MAGI2: variants seen among roughly 807,000 people sequenced by gnomAD.
MAGI2 encodes the protein membrane associated guanylate kinase, WW and PDZ domain containing 2, also known as membrane-associated guanylate kinase, WW and PDZ domain-containing protein 2.
Under a neutral mutation model 133.3 loss-of-function variants are expected in MAGI2, and 35 were observed. That is an observed-to-expected ratio of 0.26 (90% confidence interval 0.20 to 0.35). The LOEUF is 0.35. MAGI2 is among the 10% of genes least tolerant of loss of function. The pLI, the probability that MAGI2 is intolerant of heterozygous loss-of-function variation, is 1.00. For missense variants in MAGI2, 1,636 were observed against 1,863.4 expected (o/e 0.88, Z 2.25); for synonymous variants, 729 against 710.6 (o/e 1.03, Z -0.41).
At chr7:78,499,711 G>C (rs1215044946) in intron 5 of MAGI2, among the ~76,000 whole-genome samples, 2 of 152,154 alleles carry the variant, frequency 1.3e-5, no homozygotes, top group African/African-American at 4.8e-5. Flanking sequence ...TAATCAACTT[G>C]TCATGCTGCT....
intron 7 of MAGI2, among the ~76,000 whole-genome samples, chr7:78,359,708 C>T (rs1792577570): frequency 6.6e-6 from 1 of 151,930 alleles, no homozygotes; most frequent in Non-Finnish European, 1.5e-5. Context: ...TCCAACCAAA[C>T]AAAAAGTAGA....
chr7:79,294,063 A>C (rs1359988160), intron 1 of MAGI2, among the ~76,000 whole-genome samples: 13 of 151,746 alleles, frequency 8.6e-5, no homozygotes, highest in African/African-American at 3.1e-4. Flanking sequence ...TGAGTCTGTA[A>C]TCCCCTCAGG....
chr7:78,562,691 T>C (rs1247331433), intron 3 of MAGI2, among the ~76,000 whole-genome samples: 2 of 152,178 alleles, frequency 1.3e-5, no homozygotes, highest in East Asian at 3.9e-4. Context: ...AATCTGATAA[T>C]TGTAAATACG....
At chr7:78,313,837 A>T (rs2151101813) in intron 9 of MAGI2, among the ~76,000 whole-genome samples, 1 of 152,272 alleles carries the variant, frequency 6.6e-6, no homozygotes, top group Middle Eastern at 3.4e-3. Flanking sequence ...ATGACTTTTT[A>T]AAATGACTTA....
At chr7:78,198,076 C>T (rs1011358606) in intron 11 of MAGI2, among the ~76,000 whole-genome samples, 2 of 152,172 alleles carry the variant, frequency 1.3e-5, no homozygotes, top group South Asian at 2.1e-4. Flanking sequence ...TTACTGAGGT[C>T]GATGGGCCTC....
At chr7:78,255,860 G>C (rs754774009) in intron 10 of MAGI2, 83 bp downstream of exon 10, 3 of 1,362,910 alleles carry the variant, frequency 2.2e-6, no homozygotes, top group South Asian at 2.5e-5. Flanking sequence ...TCAACTCCAA[G>C]GAAATCTGCA....
At chr7:78,202,821 T>C (rs1353626384) in intron 10 of MAGI2, among the ~76,000 whole-genome samples, 2 of 152,176 alleles carry the variant, frequency 1.3e-5, no homozygotes, top group African/African-American at 4.8e-5. Flanking sequence ...GCTCTCTTTC[T>C]GTCTTACATA....
intron 4 of MAGI2, chr7:78,518,162 A>C (rs1796197788): frequency 6.6e-6 from 1 of 152,202 alleles, no homozygotes. Context: ...TTTTATACAC[A>C]GAGAAGGATG....
At chr7:79,235,390 A>T (rs971969748) in intron 1 of MAGI2, among the ~76,000 whole-genome samples, 2 of 151,128 alleles carry the variant, frequency 1.3e-5, no homozygotes, top group Non-Finnish European at 3.0e-5. Context: ...CCCCTCCCCC[A>T]GCCTCGCTGC....
At chr7:78,599,321 T>C (rs1049026573) in intron 3 of MAGI2, among the ~76,000 whole-genome samples, 1 of 152,196 alleles carries the variant, frequency 6.6e-6, no homozygotes, top group African/African-American at 2.4e-5. Flanking sequence ...TTTAAGAAGA[T>C]AGATCTCAAG....
At chr7:79,209,133 C>T (rs890475058) in intron 1 of MAGI2, among the ~76,000 whole-genome samples, 21 of 151,666 alleles carry the variant, frequency 1.4e-4, no homozygotes, top group Non-Finnish European at 2.2e-4. Context: ...TTCAATAATA[C>T]GTTGTATTCT....
intron 6 of MAGI2, among the ~76,000 whole-genome samples, chr7:78,466,327 C>T (rs1790628025): frequency 1.3e-5 from 2 of 152,158 alleles, no homozygotes; most frequent in Non-Finnish European, 1.5e-5. Flanking sequence ...ATTCTGTGTC[C>T]CATTCCACTT....
chr7:78,922,273 T>C (rs573739865), intron 2 of MAGI2, among the ~76,000 whole-genome samples: 1 of 151,906 alleles, frequency 6.6e-6, no homozygotes, highest in Non-Finnish European at 1.5e-5. Flanking sequence ...ACATGTGCCA[T>C]GCTGGTGTGC....
intron 6 of MAGI2, among the ~76,000 whole-genome samples, chr7:78,436,191 T>C (rs1373763229): frequency 1.3e-5 from 2 of 151,932 alleles, no homozygotes; most frequent in African/African-American, 4.8e-5. Context: ...CCACTTAGGG[T>C]TGGAGAGGAA....
chr7:78,298,048 T>G (rs747754041), intron 9 of MAGI2, among the ~76,000 whole-genome samples: 1 of 152,014 alleles, frequency 6.6e-6, no homozygotes, highest in African/African-American at 2.4e-5. Flanking sequence ...GTCATGTTGA[T>G]AGCATATACT....
intron 2 of MAGI2, among the ~76,000 whole-genome samples, chr7:78,919,976 T>G (rs1409640871): frequency 6.6e-6 from 1 of 152,104 alleles, no homozygotes; most frequent in Non-Finnish European, 1.5e-5. Context: ...AGGGATCATA[T>G]TTAGAGCCAT....
chr7:78,479,322 T>A (rs1285672029), intron 6 of MAGI2, among the ~76,000 whole-genome samples: 1 of 151,954 alleles, frequency 6.6e-6, no homozygotes, highest in Non-Finnish European at 1.5e-5. Flanking sequence ...TATTATCAAT[T>A]GGTACCAAAA....
At chr7:78,995,149 C>A (rs1806159904) in intron 2 of MAGI2, among the ~76,000 whole-genome samples, 1 of 151,818 alleles carries the variant, frequency 6.6e-6, no homozygotes, top group Non-Finnish European at 1.5e-5. Context: ...TTAAAATATA[C>A]TAACACTAAC....
At chr7:78,050,499 TG>T (rs1268052946) in intron 21 of MAGI2, among the ~76,000 whole-genome samples, 3 of 152,238 alleles carry the variant, frequency 2.0e-5, no homozygotes, top group Non-Finnish European at 4.4e-5. Flanking sequence ...TAAACATGCC[TG>T]GGACGTCTGC....
Sources: allele counts gnomAD v4.1 joint callset (sites outside exome capture counted in the v4.1 genomes callset), GRCh38; gene constraint gnomAD v4.1.1; transcripts MANE v1.5; gene names NCBI Gene and HGNC (gene_info 2026-07-23, HGNC 2026-07-21).